TRPC4AP: variants seen among roughly 807,000 people sequenced by gnomAD.
The protein encoded by TRPC4AP is short transient receptor potential channel 4-associated protein.
In TRPC4AP, 45 loss-of-function variants were observed where a neutral mutation model predicts 99.0. That is an observed-to-expected ratio of 0.45 (90% CI 0.36 to 0.58). The LOEUF (loss-of-function observed/expected upper bound fraction) is 0.58. Ranked by LOEUF, TRPC4AP falls within the 20% of genes least tolerant of loss-of-function variation. The pLI, the probability that TRPC4AP is intolerant of heterozygous loss-of-function variation, is 0.00. For synonymous variants in TRPC4AP, 408 were observed against 385.8 expected, an observed-to-expected ratio of 1.06 and a Z score of -0.67; for missense variants, 879 against 985.3, an observed-to-expected ratio of 0.89 and a Z score of 1.44.
intron 2 of TRPC4AP, among the ~76,000 whole-genome samples, chr20:35,075,903 C>T (rs546734423): frequency 2.6e-5 from 4 of 152,296 alleles, no homozygotes; most frequent in East Asian, 1.9e-4. Context: ...ACCAATCAGA[C>T]GTAGATTTGG....
chr20:35,082,750 T>C (rs920758329), intron 1 of TRPC4AP, among the ~76,000 whole-genome samples: 5 of 152,128 alleles, frequency 3.3e-5, no homozygotes, highest in Non-Finnish European at 4.4e-5. Flanking sequence ...ATTCACCACA[T>C]TGATAACATA....
chr20:35,005,690 T>C lies in TRPC4AP; in HGVS notation c.1936+5A>G, dbSNP rs780020090. On this transcript the variant is annotated splice_donor_5th_base_variant and intron_variant, in intron 16 of 18. Transcript: ENST00000252015. ...ACTTGCCTTGACAGCCTGCCTTTCATGTACCTTTCATATCCACCTGGTTTT... is the reference window on the plus strand; with the variant it reads ...ACTTGCCTTGACAGCCTGCCTTTCACGTACCTTTCATATCCACCTGGTTTT... 1.9e-6 allele frequency: 3 copies of C among 1,613,836 alleles called. No individual in the cohort carries two copies. The highest frequency in any genetic ancestry group is 1.7e-6 in the Non-Finnish European group (2 of 1,179,706).
intron 8 of TRPC4AP, among the ~76,000 whole-genome samples, chr20:35,034,461 A>C (rs1350465879): frequency 6.6e-6 from 1 of 152,078 alleles, no homozygotes; most frequent in African/African-American, 2.4e-5. Flanking sequence ...TGGGTGGAGG[A>C]AGGAAGCCTC....
At chr20:35,022,575 C>T (rs1275500486) in intron 8 of TRPC4AP, among the ~76,000 whole-genome samples, 2 of 152,092 alleles carry the variant, frequency 1.3e-5, no homozygotes, top group Non-Finnish European at 2.9e-5. Flanking sequence ...CAGTAACTGC[C>T]AAGGTCCTCT....
chr20:35,044,808 G>A (rs932936546), intron 6 of TRPC4AP, 96 bp from the exon 7 acceptor site: 16 of 1,180,972 alleles, frequency 1.4e-5, no homozygotes, highest in Non-Finnish European at 2.0e-5. Context: ...GGGGCTTAGT[G>A]GCTAGATCAC....
At chr20:35,026,374 T>C (rs1423313173) in intron 8 of TRPC4AP, among the ~76,000 whole-genome samples, 1 of 152,058 alleles carries the variant, frequency 6.6e-6, no homozygotes, top group Non-Finnish European at 1.5e-5. Context: ...GTCACGAGGC[T>C]TGCCTAATTT....
intron 7 of TRPC4AP, among the ~76,000 whole-genome samples, chr20:35,040,990 C>T (rs1327541023): frequency 1.7e-5 from 2 of 117,528 alleles, no homozygotes; most frequent in Admixed American, 1.7e-4. Flanking sequence ...CAGAGATCTC[C>T]GTCTCTCCTC....
chr20:35,086,579 A>ATG, intron 1 of TRPC4AP, among the ~76,000 whole-genome samples: 1 of 129,258 alleles, frequency 7.7e-6, no homozygotes, highest in African/African-American at 2.8e-5. Flanking sequence ...GTGTGTGTAT[A>ATG]TATATATGAA....
intron 8 of TRPC4AP, among the ~76,000 whole-genome samples, chr20:35,028,723 T>C (rs956124968): frequency 6.6e-6 from 1 of 152,196 alleles, no homozygotes; most frequent in East Asian, 1.9e-4. Context: ...TCTGTTTCCC[T>C]GTTGATCTTC....
At chr20:35,066,058 CA>C (rs1206649042) in intron 3 of TRPC4AP, among the ~76,000 whole-genome samples, 1 of 152,064 alleles carries the variant, frequency 6.6e-6, no homozygotes, top group African/African-American at 2.4e-5. Context: ...TAGCTTTAAA[CA>C]AAAGGAAACT....
chr20:35,007,626 C>T lies in TRPC4AP; in HGVS notation c.1610G>A (p.Arg537Gln). 3.1e-6 allele frequency: 5 copies of T among 1,614,198 alleles called. No individual in the cohort carries two copies. Among genetic ancestry groups the T allele is most frequent in the Non-Finnish European group, 4.2e-6 (5 of 1,180,030 alleles). Residue 537 changes from arginine to glutamine, a missense_variant, in exon 14 of 19, where the codon CGG becomes CAG. Coordinates refer to ENST00000252015, the MANE Select transcript of TRPC4AP (RefSeq NM_015638.3). The stretch of plus-strand genomic sequence containing the variant: ...CCCTCGGAGGAAACTCTCCACAGCC[C>T]GAGCTTGCCAAAACCTGCGACCCAA... Reference protein sequence around the residue: ...AESSFRFWQARAVESFLRGTT... With the variant: ...AESSFRFWQAQAVESFLRGTT...
chr20:35,008,854 A>C (rs1372977215), intron 12 of TRPC4AP, 107 bp from the exon 13 acceptor site: 1 of 1,031,962 alleles, frequency 9.7e-7, no homozygotes, highest in Non-Finnish European at 1.4e-6. Context: ...GGACATTTCC[A>C]AGTCTGCAGG....
At chr20:35,005,863 C>CG (rs2082504962) in intron 15 of TRPC4AP, 60 bp from the exon 16 acceptor site, 5 of 1,508,940 alleles carry the variant, frequency 3.3e-6, no homozygotes, top group Non-Finnish European at 1.8e-6. Context: ...GGCCATGGCC[C>CG]GGGGGGATAG....
In TRPC4AP at chr20:35,069,298, C is replaced by A; in HGVS notation, c.412G>T (p.Asp138Tyr). ...AGTAATAATAAATAGCTACTTACATCAACACCTCCAAACAAGTCAAAAATG... is the reference window on the plus strand; with the variant it reads ...AGTAATAATAAATAGCTACTTACATAAACACCTCCAAACAAGTCAAAAATG... ...TYIFDLFGGV[D>Y]LLVEILMRPT... The change falls in exon 3 of 19, where the codon GAT becomes TAT. Residue 138 changes from aspartate (D) to tyrosine (Y), a missense_variant and splice_region_variant. By Grantham distance (160) the Asp-to-Tyr change is radical. Around this residue, in one of 3 missense-constraint regions of TRPC4AP, gnomAD observed 603 missense variants for 631.8 expected, o/e 0.95. Transcript: ENST00000252015. 1 of 1,567,842 alleles carries A rather than the reference C, an allele frequency of 6.4e-7. No individual in the cohort carries two copies. Among genetic ancestry groups the A allele is most frequent in the Admixed American group, 1.7e-5 (1 of 59,246 alleles).
intron 1 of TRPC4AP, among the ~76,000 whole-genome samples, chr20:35,080,532 T>C: frequency 1.8e-5 from 1 of 54,416 alleles, no homozygotes; most frequent in Non-Finnish European, 3.4e-5. Flanking sequence ...CGAGACTCCA[T>C]CTAAAAAAAA....
intron 1 of TRPC4AP, among the ~76,000 whole-genome samples, chr20:35,089,677 C>T (rs548500086): frequency 7.4e-4 from 112 of 152,086 alleles, no homozygotes; most frequent in African/African-American, 2.5e-3. Context: ...GGTGAAACCC[C>T]ATCTCTACTA....
intron 1 of TRPC4AP, among the ~76,000 whole-genome samples, chr20:35,079,788 G>A (rs980244982): frequency 6.6e-5 from 10 of 152,010 alleles, no homozygotes; most frequent in Admixed American, 3.9e-4. Context: ...AGGCTAAGGC[G>A]GGAGGATTGC....
intron 9 of TRPC4AP, among the ~76,000 whole-genome samples, chr20:35,018,622 A>G (rs1184839021): frequency 6.7e-6 from 1 of 150,246 alleles, no homozygotes; most frequent in Non-Finnish European, 1.5e-5. Flanking sequence ...AAAAAAAAAA[A>G]AAAAGAAAGA....
At chr20:35,018,900 G>A (rs1052961683) in intron 9 of TRPC4AP, among the ~76,000 whole-genome samples, 4 of 152,160 alleles carry the variant, frequency 2.6e-5, no homozygotes, top group African/African-American at 7.2e-5. Context: ...TAGAAAAGGC[G>A]ATGGGGGACG....
Sources: gnomAD v4.1 joint callset for allele counts (sites outside exome capture counted in the v4.1 genomes callset) on GRCh38, gnomAD v4.1.1 for gene constraint, gnomAD v4.1.1 regional missense constraint, MANE v1.5 for transcripts, NCBI Gene and HGNC (gene_info 2026-07-23, HGNC 2026-07-21) for gene names.